Variants in ATP11B observed in about 807,000 individuals in gnomAD.
ATP11B encodes the protein ATPase phospholipid transporting 11B (putative), also known as phospholipid-transporting ATPase IF.
In ATP11B, 81 loss-of-function variants were observed where a neutral mutation model predicts 157.8. That is an observed-to-expected ratio of 0.51 (90% CI 0.43 to 0.62). ATP11B has a LOEUF of 0.62. Among genes scored for constraint, ATP11B ranks in the 20% least tolerant of loss-of-function variants. The probability of loss-of-function intolerance (pLI) is 0.00; values close to 1 mark genes in which losing one functional copy is unlikely to be tolerated. For missense variants in ATP11B, 1,165 were observed against 1,402.2 expected (o/e 0.83, Z 2.70); for synonymous variants, 451 against 469.4 (o/e 0.96, Z 0.51).
At chr3:182,882,398 A>C (rs1351776896) in intron 21 of ATP11B, among the ~76,000 whole-genome samples, 1 of 152,188 alleles carries the variant, frequency 6.6e-6, no homozygotes, top group Admixed American at 6.5e-5. Context: ...AGTGACTAGA[A>C]TACATTCAAG....
chr3:182,829,651 T>C (rs1439914429), intron 3 of ATP11B, 21 bp from the exon 4 acceptor site: 2 of 1,450,626 alleles, frequency 1.4e-6, no homozygotes, highest in East Asian at 4.7e-5. Flanking sequence ...TAATATTCTG[T>C]ATTCTTTTTT....
At chr3:182,877,587 AGTTGTG>A (rs1414030499) in intron 19 of ATP11B, among the ~76,000 whole-genome samples, 2 of 152,164 alleles carry the variant, frequency 1.3e-5, no homozygotes, top group African/African-American at 4.8e-5. Flanking sequence ...GGCTGTGGTG[AGTTGTG>A]ATCACACCAC....
intron 25 of ATP11B, among the ~76,000 whole-genome samples, chr3:182,894,104 G>A (rs557167016): frequency 4.6e-5 from 7 of 152,008 alleles, no homozygotes; most frequent in East Asian, 3.9e-4. Flanking sequence ...TGTAGATTGC[G>A]AAGATTTTCT....
chr3:182,823,164 G>A (rs1717479890), intron 2 of ATP11B, among the ~76,000 whole-genome samples: 1 of 152,142 alleles, frequency 6.6e-6, no homozygotes. Context: ...ATTGCTTTTG[G>A]TGTTTTAGAC....
At chr3:182,911,989 G>A (rs1724827480) in intron 28 of ATP11B, among the ~76,000 whole-genome samples, 1 of 152,146 alleles carries the variant, frequency 6.6e-6, no homozygotes, top group African/African-American at 2.4e-5. Flanking sequence ...CTGGAGTGGA[G>A]ACTGCACCAG....
chr3:182,825,269 T>A (rs1337893886), intron 2 of ATP11B, among the ~76,000 whole-genome samples: 1 of 152,202 alleles, frequency 6.6e-6, no homozygotes, highest in East Asian at 1.9e-4. Context: ...TTTCATACAC[T>A]TTACCTTTGA....
intron 2 of ATP11B, among the ~76,000 whole-genome samples, chr3:182,827,704 AAACT>A (rs1484138963): frequency 6.6e-6 from 1 of 151,850 alleles, no homozygotes; most frequent in Non-Finnish European, 1.5e-5. Flanking sequence ...TTCTGATGCT[AAACT>A]AACTAAAATA....
intron 29 of ATP11B, chr3:182,915,074 A>G: frequency 1.0e-6 from 1 of 985,428 alleles, no homozygotes; most frequent in Non-Finnish European, 1.2e-6. Context: ...TACTGGAAAA[A>G]GGATTTTTAT....
At chr3:182,836,657 C>CA in intron 6 of ATP11B, 187 bp downstream of exon 6, 1 of 621,176 alleles carries the variant, frequency 1.6e-6, no homozygotes. Context: ...AGGGTAGCCT[C>CA]ACATGGGTTT....
At chr3:182,895,813 T>A (rs553151489) in intron 25 of ATP11B, among the ~76,000 whole-genome samples, 2 of 152,234 alleles carry the variant, frequency 1.3e-5, no homozygotes, top group African/African-American at 4.8e-5. Context: ...TGATAAGATG[T>A]TCCCATGATG....
intron 12 of ATP11B, among the ~76,000 whole-genome samples, chr3:182,863,448 C>T (rs574400610): frequency 2.0e-5 from 3 of 152,038 alleles, no homozygotes; most frequent in African/African-American, 7.2e-5. Flanking sequence ...CTCATGTCTG[C>T]TTTGTCTTTA....
chr3:182,828,144 A>G lies in ATP11B; in HGVS notation c.169A>G (p.Lys57Glu). 1 of 1,478,170 alleles carries G rather than the reference A, an allele frequency of 6.8e-7. No individual in the cohort carries two copies. The allele number at this position is 1,478,170 out of a possible 1,614,324, so 91.6% of individuals were successfully genotyped here. A position where few individuals can be genotyped will look rare whatever the true frequency, so the allele number is the denominator to read the frequency against. ...GTACACTGTGTGGAATTTTGTTCCA[A>G]AAAATTTATTTGAACAGTTCAGAAG... ...SKYTVWNFVP[K>E]NLFEQFRRVA... The change falls in exon 3 of 30, where the codon AAA becomes GAA. Residue 57 changes from lysine (K) to glutamate (E), a missense_variant. Transcript: ENST00000323116.
chr3:182,839,199 C>A (rs1576999504), intron 7 of ATP11B, among the ~76,000 whole-genome samples: 1 of 152,164 alleles, frequency 6.6e-6, no homozygotes, highest in Admixed American at 6.5e-5. Flanking sequence ...CCAAATACTG[C>A]ATATCCTTAC....
chr3:182,889,513 A>G lies in ATP11B; in HGVS notation c.2947A>G (p.Ile983Val). ...FIFFFGSYLL[I>V]GKDTSLLGNG... ...TTTCTTTTTTGGATCCTATTTACTAATAGGGAAAGATACATCTCTGCTTGG... is the reference window on the plus strand; with the variant it reads ...TTTCTTTTTTGGATCCTATTTACTAGTAGGGAAAGATACATCTCTGCTTGG... Residue 983 changes from isoleucine (I) to valine (V), a missense_variant, in exon 25 of 30, where the codon ATA becomes GTA. Ile to Val is a conservative substitution (Grantham distance 29). Transcript: ENST00000323116. 6.4e-7 allele frequency: 1 copy of G among 1,567,078 alleles called. No individual in the cohort carries two copies. The highest frequency in any genetic ancestry group is 8.6e-7 in the Non-Finnish European group (1 of 1,164,534).
At chr3:182,866,489 T>G in intron 14 of ATP11B, 46 bp downstream of exon 14, 1 of 1,429,020 alleles carries the variant, frequency 7.0e-7, no homozygotes, top group Non-Finnish European at 9.4e-7. Flanking sequence ...ACCATTTAAA[T>G]AAATGTAACA....
intron 1 of ATP11B, among the ~76,000 whole-genome samples, chr3:182,815,454 T>A (rs1377428257): frequency 6.6e-6 from 1 of 152,224 alleles, no homozygotes; most frequent in Non-Finnish European, 1.5e-5. Context: ...GTAAAAGACG[T>A]TAAATAATTC....
chr3:182,894,828 ATC>A (rs1230105988), intron 25 of ATP11B, among the ~76,000 whole-genome samples: 15 of 151,926 alleles, frequency 9.9e-5, no homozygotes, highest in Non-Finnish European at 2.2e-4. Flanking sequence ...GCATCAAAGT[ATC>A]TCTCCCAGCT....
chr3:182,886,765 T>C (rs1003165810), intron 23 of ATP11B, among the ~76,000 whole-genome samples: 1 of 152,172 alleles, frequency 6.6e-6, no homozygotes, highest in Non-Finnish European at 1.5e-5. Flanking sequence ...AAGACACTAG[T>C]TCTAATTTAT....
intron 8 of ATP11B, among the ~76,000 whole-genome samples, chr3:182,845,002 T>TA (rs1256626554): frequency 3.4e-5 from 4 of 118,156 alleles, no homozygotes; most frequent in African/African-American, 1.1e-4. Flanking sequence ...TTATTTTTTT[T>TA]TTTATTTTTT....
Sources: gnomAD v4.1 joint callset for allele counts (sites outside exome capture counted in the v4.1 genomes callset) on GRCh38, gnomAD v4.1.1 for gene constraint, MANE v1.5 for transcripts, NCBI Gene and HGNC (gene_info 2026-07-23, HGNC 2026-07-21) for gene names.